ABI1: variants seen among roughly 807,000 people sequenced by gnomAD.
The protein encoded by ABI1 is Abelson interactor 1.
Under a neutral mutation model 54.6 loss-of-function variants are expected in ABI1, and 14 were observed. The ratio of observed to expected loss-of-function variants is 0.26; its 90% confidence interval spans 0.17 to 0.40. The LOEUF (loss-of-function observed/expected upper bound fraction) is 0.40, where lower values mean the gene tolerates loss of function less well. Among genes scored for constraint, ABI1 ranks in the 10% least tolerant of loss-of-function variants. ABI1 has a pLI of 1.00. For synonymous variants in ABI1, 194 were observed against 209.3 expected (o/e 0.93, Z 0.63); for missense variants, 443 against 598.3 (o/e 0.74, Z 2.71).
At chr10:26,750,032 C>T (rs1837413436) in intron 10 of ABI1, among the ~76,000 whole-genome samples, 1 of 152,140 alleles carries the variant, frequency 6.6e-6, no homozygotes, top group South Asian at 2.1e-4. Context: ...AATATGGTCC[C>T]ATTTTCACAG....
At chr10:26,828,308 T>TCA (rs2048440516) in intron 1 of ABI1, among the ~76,000 whole-genome samples, 1 of 152,118 alleles carries the variant, frequency 6.6e-6, no homozygotes, top group Admixed American at 6.6e-5. Flanking sequence ...ACATCGAATA[T>TCA]CACCATAACA....
chr10:26,822,191 T>C (rs2048026277), intron 2 of ABI1, among the ~76,000 whole-genome samples: 2 of 152,160 alleles, frequency 1.3e-5, no homozygotes. Context: ...CACACATATA[T>C]ATGATCATTT....
In ABI1 at chr10:26,860,618, G is replaced by C. The variant is rs188058818; in HGVS notation, c.117+129C>G. On this transcript the variant is annotated intron_variant, in intron 1 of 10. Transcript: ENST00000376140. The surrounding 1 kb of genome is among the most constrained non-coding windows in gnomAD (Gnocchi z 4.1). Reference sequence around the variant, plus strand: ...TGTCCCCGGTTGGGGCTGGGGTTGGGGCTGCGGTAGGGGCTCGGGTTGGTG... The same window carrying C: ...TGTCCCCGGTTGGGGCTGGGGTTGGCGCTGCGGTAGGGGCTCGGGTTGGTG... The C allele has an allele frequency of 1.9e-3, 1,417 of 729,512 alleles. 26 individuals carry two copies. The Admixed American group carries it at 0.026, about 13-fold the overall frequency. The allele number at this position is 729,512 out of a possible 1,614,324, so 45.2% of individuals were successfully genotyped here.
In ABI1 at chr10:26,835,106, A is replaced by AAAAC. The variant is rs1554829834; in HGVS notation, c.118-11802_118-11801insGTTT. On this transcript the variant is annotated intron_variant, in intron 1 of 10. Coordinates refer to ENST00000376140, the MANE Select transcript of ABI1 (RefSeq NM_001012750.3). Reference sequence around the variant, plus strand: ...TCTACCTCAAAAAAAAAAAAAAAAAAAAAAAAAAACCCACAATGCAATATC... The same window carrying AAAAC: ...TCTACCTCAAAAAAAAAAAAAAAAAAAAACAAAAAAAAACCCACAATGCAATATC... Among the ~76,000 whole-genome samples, 1,012 of 124,794 alleles carry AAAAC rather than the reference A, an allele frequency of 8.1e-3. 94 individuals carry two copies. Among genetic ancestry groups the AAAAC allele is most frequent in the African/African-American group, 0.03 (919 of 30,910 alleles). The allele number at this position is 124,794 out of a possible 152,430, so 81.9% of individuals were successfully genotyped here.
chr10:26,847,019 A>T (rs1397839591), intron 1 of ABI1, among the ~76,000 whole-genome samples: 1 of 140,630 alleles, frequency 7.1e-6, no homozygotes, highest in African/African-American at 2.8e-5. Flanking sequence ...TTAATGGAGG[A>T]GGCCAACTAT....
intron 1 of ABI1, among the ~76,000 whole-genome samples, chr10:26,851,451 A>AAGTAACTG (rs1468356497): frequency 7.1e-6 from 1 of 141,646 alleles, no homozygotes; most frequent in African/African-American, 2.6e-5. Flanking sequence ...TCAACCTCCC[A>AAGTAACTG]AGTAACTGGG....
intron 10 of ABI1, among the ~76,000 whole-genome samples, chr10:26,749,284 A>C (rs1258890844): frequency 6.6e-6 from 1 of 152,212 alleles, no homozygotes; most frequent in Non-Finnish European, 1.5e-5. Flanking sequence ...TACTTAGAGA[A>C]CTTTGCAATT....
intron 7 of ABI1, among the ~76,000 whole-genome samples, chr10:26,760,074 T>C (rs1838924983): frequency 6.6e-6 from 1 of 150,488 alleles, no homozygotes; most frequent in Non-Finnish European, 1.5e-5. Flanking sequence ...ATCCAAAGAA[T>C]CTGCTTTTAA....
intron 2 of ABI1, among the ~76,000 whole-genome samples, chr10:26,819,075 A>C (rs2047791358): frequency 6.6e-6 from 1 of 152,264 alleles, no homozygotes; most frequent in South Asian, 2.1e-4. Context: ...AGTCTTAAAC[A>C]TACTCCTGAA....
chr10:26,846,974 C>A (rs2050031773), intron 1 of ABI1, among the ~76,000 whole-genome samples: 1 of 152,082 alleles, frequency 6.6e-6, no homozygotes, highest in African/African-American at 2.4e-5. Flanking sequence ...ATGTACCTTC[C>A]CTAGATGTAA....
At position 26,860,900 on chromosome 10, in the gene ABI1, G is replaced by A. The variant is rs1334484357; in HGVS notation, c.-37C>T. 20 of 1,592,358 alleles carry A rather than the reference G, an allele frequency of 1.3e-5. No individual in the cohort carries two copies. The highest frequency in any genetic ancestry group is 7.7e-5 in the South Asian group (7 of 90,638). Reference sequence around the variant, plus strand: ...CTGCATCGCTTCCTCTCGCGTTAAAGAGACAGAGGCAGCAAGGTCCGCCGA... The same window carrying A: ...CTGCATCGCTTCCTCTCGCGTTAAAAAGACAGAGGCAGCAAGGTCCGCCGA... On this transcript the variant is annotated 5_prime_UTR_variant, in exon 1 of 11. Coordinates refer to ENST00000376140, the MANE Select transcript of ABI1 (RefSeq NM_001012750.3). The surrounding 1 kb of genome is among the most constrained non-coding windows in gnomAD (Gnocchi z 4.1).
intron 1 of ABI1, among the ~76,000 whole-genome samples, chr10:26,824,431 C>A (rs1382262537): frequency 6.6e-6 from 1 of 152,126 alleles, no homozygotes. Context: ...TTATTCACTG[C>A]AGCACTATCT....
At chr10:26,779,384 A>G (rs1383210283) in intron 2 of ABI1, among the ~76,000 whole-genome samples, 1 of 152,178 alleles carries the variant, frequency 6.6e-6, no homozygotes, top group African/African-American at 2.4e-5. Flanking sequence ...GTTATTGTCA[A>G]CACTCCTGCA....
chr10:26,827,959 T>C (rs1159261587), intron 1 of ABI1, among the ~76,000 whole-genome samples: 1 of 152,238 alleles, frequency 6.6e-6, no homozygotes, highest in Non-Finnish European at 1.5e-5. Flanking sequence ...TCAAGAACTT[T>C]TCCTTTGCAT....
At chr10:26,855,077 C>A (rs1165053794) in intron 1 of ABI1, among the ~76,000 whole-genome samples, 2 of 152,128 alleles carry the variant, frequency 1.3e-5, no homozygotes, top group Non-Finnish European at 2.9e-5. Context: ...TAGGGAGGCT[C>A]AACCAGTAAG....
intron 8 of ABI1, among the ~76,000 whole-genome samples, chr10:26,758,068 CAAAAAAAAAA>C (rs71403888): frequency 3.0e-5 from 2 of 67,406 alleles, no homozygotes; most frequent in South Asian, 6.5e-4. Context: ...AACTCTGTCT[CAAAAAAAAAA>C]AAAAAAAAAA....
chr10:26,850,285 T>C (rs1047936453), intron 1 of ABI1, among the ~76,000 whole-genome samples: 8 of 152,200 alleles, frequency 5.3e-5, no homozygotes, highest in Non-Finnish European at 8.8e-5. Context: ...ATAAACACAT[T>C]AGATATCCCT....
chr10:26,748,817 A>G, intron 10 of ABI1, 72 bp from the exon 11 acceptor site: 1 of 873,470 alleles, frequency 1.1e-6, no homozygotes, highest in East Asian at 2.5e-5. Context: ...TAAGACAAAG[A>G]CAATTAAATA....
intron 7 of ABI1, among the ~76,000 whole-genome samples, chr10:26,760,665 G>A (rs566972294): frequency 1.3e-5 from 2 of 152,056 alleles, no homozygotes; most frequent in African/African-American, 4.8e-5. Flanking sequence ...CGAGGCAGGC[G>A]GATCACCTGA....
Sources: allele counts gnomAD v4.1 joint callset (sites outside exome capture counted in the v4.1 genomes callset), GRCh38; gene constraint gnomAD v4.1.1; non-coding constraint Gnocchi (gnomAD v3.1); transcripts MANE v1.5; gene names NCBI Gene and HGNC (gene_info 2026-07-23, HGNC 2026-07-21).